The following ARHGAP5 variants were observed in gnomAD, a reference collection of about 807,000 sequenced individuals.
ARHGAP5 encodes the protein Rho GTPase activating protein 5.
Under a neutral mutation model 116.6 loss-of-function variants are expected in ARHGAP5, and 23 were observed. That is an observed-to-expected ratio of 0.20 (90% CI 0.14 to 0.28). The LOEUF (loss-of-function observed/expected upper bound fraction) is 0.28, where lower values mean the gene tolerates loss of function less well. ARHGAP5 is among the 10% of genes least tolerant of loss of function. ARHGAP5 has a pLI of 1.00. For missense variants in ARHGAP5, 1,405 were observed against 1,774.8 expected, an observed-to-expected ratio of 0.79 and a Z score of 3.74; for synonymous variants, 574 against 602.0, an observed-to-expected ratio of 0.95 and a Z score of 0.68.
intron 3 of ARHGAP5, among the ~76,000 whole-genome samples, chr14:32,131,913 CTCA>C (rs1880519096): frequency 6.6e-6 from 1 of 152,170 alleles, no homozygotes; most frequent in Admixed American, 6.5e-5. Context: ...AGGACATGAA[CTCA>C]TCATTTTTTA....
chr14:32,151,631 A>G (rs546986531), intron 5 of ARHGAP5, among the ~76,000 whole-genome samples: 1 of 152,230 alleles, frequency 6.6e-6, no homozygotes, highest in East Asian at 1.9e-4. Context: ...GAGTATAGCC[A>G]CTCCCGTTTG....
At chr14:32,117,425 T>G in intron 3 of ARHGAP5, 138 bp downstream of exon 3, 1 of 717,264 alleles carries the variant, frequency 1.4e-6, no homozygotes, top group Non-Finnish European at 2.0e-6. Context: ...TCTGATCAGG[T>G]AACCATCTGA....
intron 3 of ARHGAP5, among the ~76,000 whole-genome samples, chr14:32,118,270 A>C (rs1457847490): frequency 6.6e-6 from 1 of 152,168 alleles, no homozygotes; most frequent in East Asian, 1.9e-4. Flanking sequence ...AGGCTGAGGC[A>C]GTCGGATCAC....
Position 32,122,797 on chromosome 14 carries a change from CA to C in ARHGAP5, c.3865+5514del, listed in dbSNP as rs563345563. Reference sequence around the variant, plus strand: ...ACTGAATTGCCTTGGCACAGTTGTTCAAAATCAGTTGACCATAAATGTGAAG... The same window carrying C: ...ACTGAATTGCCTTGGCACAGTTGTTCAAATCAGTTGACCATAAATGTGAAG... On this transcript the variant is annotated intron_variant, in intron 3 of 6. Transcript: ENST00000345122. 9.9e-5 allele frequency among the ~76,000 whole-genome samples: 15 copies of C among 152,254 alleles called. No individual in the cohort carries two copies. In the South Asian group the frequency reaches 2.5e-3, roughly 25 times the overall value.
chr14:32,117,344 CAACA>C, intron 3 of ARHGAP5, 57 bp downstream of exon 3: 2 of 1,422,050 alleles, frequency 1.4e-6, no homozygotes, highest in African/African-American at 1.4e-5. Context: ...TTTGATACAC[CAACA>C]GTTTGTCAAA....
intron 6 of ARHGAP5, 149 bp from the exon 7 acceptor site, chr14:32,154,472 A>G: frequency 1.4e-6 from 1 of 727,824 alleles, no homozygotes; most frequent in Non-Finnish European, 2.2e-6. Flanking sequence ...TTACATACGA[A>G]TTAAAGATGC....
intron 2 of ARHGAP5, among the ~76,000 whole-genome samples, chr14:32,110,112 T>C (rs759177228): frequency 2.4e-4 from 36 of 152,008 alleles, no homozygotes; most frequent in Non-Finnish European, 4.6e-4. Flanking sequence ...TTTGTACTAA[T>C]TTATTTCATA....
At chr14:32,123,773 C>A (rs970313646) in intron 3 of ARHGAP5, among the ~76,000 whole-genome samples, 1 of 151,996 alleles carries the variant, frequency 6.6e-6, no homozygotes, top group Non-Finnish European at 1.5e-5. Flanking sequence ...GTGTTAAGTA[C>A]CTTGTGAATC....
Position 32,093,577 on chromosome 14 carries a change from A to G in ARHGAP5, c.2908A>G (p.Arg970Gly), listed in dbSNP as rs1878373391. The change falls in exon 2 of 7, where the codon AGA becomes GGA. Residue 970 changes from arginine to glycine, a missense_variant. Arg to Gly is a moderately radical substitution (Grantham distance 125). Transcript: ENST00000345122. ...TGAAGATGTTTTTCTACCATCTCCC[A>G]GAGACTGTTTTCCCTATAATAACTA... ...QSEDVFLPSP[R>G]DCFPYNNYPD... 1.4e-5 allele frequency: 23 copies of G among 1,614,060 alleles called. No homozygotes were observed. Among genetic ancestry groups the G allele is most frequent in the Non-Finnish European group, 1.9e-5 (23 of 1,179,962 alleles).
chr14:32,115,581 G>T (rs570021040), intron 2 of ARHGAP5, among the ~76,000 whole-genome samples: 1 of 150,684 alleles, frequency 6.6e-6, no homozygotes, highest in African/African-American at 2.4e-5. Flanking sequence ...CAGGAGAGTG[G>T]TGTGAACCCG....
rs1359759918 is a variant in ARHGAP5 at position 32,155,840 on chromosome 14, G to A, written c.*892G>A. ...TACTTCCATGACATTTTCATATAAG[G>A]TTATATAACTTTTCATACATAAACA... is the stretch of plus-strand genomic sequence containing the variant. On this transcript the variant is annotated 3_prime_UTR_variant, in exon 7 of 7. Transcript: ENST00000345122. The A allele has an allele frequency of 6.6e-6, 1 of 152,388 alleles. No homozygotes were observed. The highest frequency in any genetic ancestry group is 1.5e-5 in the Non-Finnish European group (1 of 67,976). The allele number at this position is 152,388 out of a possible 1,614,324, so 9.4% of individuals were successfully genotyped here. A position where few individuals can be genotyped will look rare whatever the true frequency, so the allele number is the denominator to read the frequency against.
In ARHGAP5 at chr14:32,136,013, A is replaced by C. The variant is rs1952488; in HGVS notation, c.3866-10250A>C. Among the ~76,000 whole-genome samples the C allele has an allele frequency of 7.9e-5, 12 of 152,322 alleles. No homozygotes were observed. In the South Asian group the frequency reaches 2.3e-3, roughly 29 times the overall value. ...ACCTCCTTTTGTAGTTTTTATACTT[A>C]ATCAAACATAAGAATGTACTTTTAA... On this transcript the variant is annotated intron_variant, in intron 3 of 6. Transcript: ENST00000345122.
At chr14:32,102,861 T>G (rs1566666157) in intron 2 of ARHGAP5, among the ~76,000 whole-genome samples, 1 of 152,266 alleles carries the variant, frequency 6.6e-6, no homozygotes, top group Non-Finnish European at 1.5e-5. Context: ...AAATGCCTAC[T>G]GTGCCTGAAC....
chr14:32,083,533 A>G (rs541056306), intron 1 of ARHGAP5, among the ~76,000 whole-genome samples: 2 of 152,336 alleles, frequency 1.3e-5, no homozygotes, highest in African/African-American at 2.4e-5. Flanking sequence ...TGTTGCATTT[A>G]TTAGTACCAT....
Position 32,090,564 on chromosome 14 carries a change from A to G in ARHGAP5, c.-106A>G, listed in dbSNP as rs1359023718. 1.5e-5 allele frequency: 16 copies of G among 1,043,772 alleles called. 1 individual carries two copies. The highest frequency in any genetic ancestry group is 2.2e-5 in the Non-Finnish European group (16 of 716,338). The allele number at this position is 1,043,772 out of a possible 1,614,324, so 64.7% of individuals were successfully genotyped here. On this transcript the variant is annotated 5_prime_UTR_variant, in exon 2 of 7. Coordinates refer to ENST00000345122, the MANE Select transcript of ARHGAP5 (RefSeq NM_001030055.2). ...AGAAATGAGGGAAATACAAAGAACCAAATACAGTTCTGAAATTTGGGATCT... is the reference window on the plus strand; with the variant it reads ...AGAAATGAGGGAAATACAAAGAACCGAATACAGTTCTGAAATTTGGGATCT...
chr14:32,147,099 C>T (rs767702603), intron 4 of ARHGAP5, among the ~76,000 whole-genome samples: 7 of 151,926 alleles, frequency 4.6e-5, no homozygotes, highest in Non-Finnish European at 8.8e-5. Context: ...TAAAAAAAGC[C>T]GAATTTTCTA....
Position 32,094,103 on chromosome 14 carries a change from A to G in ARHGAP5, c.3434A>G (p.His1145Arg). 1 of 1,614,124 alleles carries G rather than the reference A, an allele frequency of 6.2e-7. No individual in the cohort carries two copies. Among genetic ancestry groups the G allele is most frequent in the South Asian group, 1.1e-5 (1 of 91,072 alleles). ...NGFSDRTSKS[H>R]GERRPSKYKY... ...TTTTCTGATAGAACCTCAAAAAGTCATGGGGAACGGAGGCCTTCAAAATAC... is the reference window on the plus strand; with the variant it reads ...TTTTCTGATAGAACCTCAAAAAGTCGTGGGGAACGGAGGCCTTCAAAATAC... The change falls in exon 2 of 7, where the codon CAT (histidine) becomes CGT (arginine). Residue 1145 changes from histidine (H) to arginine (R), a missense_variant. His to Arg is a conservative substitution (Grantham distance 29). Coordinates refer to ENST00000345122, the MANE Select transcript of ARHGAP5 (RefSeq NM_001030055.2).
chr14:32,109,521 A>AT (rs1879184691), intron 2 of ARHGAP5, among the ~76,000 whole-genome samples: 1 of 152,034 alleles, frequency 6.6e-6, no homozygotes, highest in Non-Finnish European at 1.5e-5. Flanking sequence ...TTATCAGATT[A>AT]TTTTTACATT....
In ARHGAP5 at chr14:32,091,427, C is replaced by T; in HGVS notation, c.758C>T (p.Pro253Leu). The change falls in exon 2 of 7, where the codon CCT becomes CTT. Residue 253 changes from proline to leucine, a missense_variant. Physicochemically the swap from Pro to Leu is moderately conservative, Grantham distance 98. Coordinates refer to ENST00000345122, the MANE Select transcript of ARHGAP5 (RefSeq NM_001030055.2). ...VQMLDKTRSK[P>L]KIIPYLDAYK... ...ATGTTGGATAAAACTCGTAGCAAGCCTAAAATTATTCCCTATTTGGATGCT... is the reference window on the plus strand; with the variant it reads ...ATGTTGGATAAAACTCGTAGCAAGCTTAAAATTATTCCCTATTTGGATGCT... 4 of 1,610,654 alleles carry T rather than the reference C, an allele frequency of 2.5e-6. No individual in the cohort carries two copies. The highest frequency in any genetic ancestry group is 3.4e-6 in the Non-Finnish European group (4 of 1,178,800).
Sources: allele counts gnomAD v4.1 joint callset (sites outside exome capture counted in the v4.1 genomes callset), GRCh38; gene constraint gnomAD v4.1.1; transcripts MANE v1.5; gene names NCBI Gene and HGNC (gene_info 2026-07-23, HGNC 2026-07-21).